The following AK8 variants were observed in gnomAD, a reference collection of about 807,000 sequenced individuals.
The protein encoded by AK8 is adenylate kinase 8, also known as ATP-AMP transphosphorylase 8.
AK8 carries 44 observed loss-of-function variants against 54.6 expected under a neutral mutation model. That is an observed-to-expected ratio of 0.81 (90% CI 0.63 to 1.04). The LOEUF is 1.04. Among genes scored for constraint, AK8 ranks in the 50% least tolerant of loss-of-function variants. The pLI is 0.00. For missense variants in AK8, 555 were observed against 613.6 expected (o/e 0.90, Z 1.01); for synonymous variants, 239 against 245.6 (o/e 0.97, Z 0.25).
Position 132,839,830 on chromosome 9 carries a change from G to GGGC in AK8, c.403-11105_403-11104insGCC, listed in dbSNP as rs1554801293. ...AAACATTTTTTTTGCCGGGGGGGGGGGCGCAGGGACGGAGCCTTGCTCTGT... is the reference window on the plus strand; with the variant it reads ...AAACATTTTTTTTGCCGGGGGGGGGGGGCGCGCAGGGACGGAGCCTTGCTCTGT... On this transcript the variant is annotated intron_variant, in intron 5 of 12. Transcript: ENST00000298545. Among the ~76,000 whole-genome samples the GGGC allele has an allele frequency of 2.2e-3, 317 of 141,530 alleles. 16 individuals carry two copies. Among genetic ancestry groups the GGGC allele is most frequent in the South Asian group, 4.5e-3 (20 of 4,476 alleles). The allele number at this position is 141,530 out of a possible 152,430, so 92.8% of individuals were successfully genotyped here.
At chr9:132,757,946 G>A (rs567541160) in intron 11 of AK8, among the ~76,000 whole-genome samples, 2 of 152,306 alleles carry the variant, frequency 1.3e-5, no homozygotes, top group African/African-American at 4.8e-5. Flanking sequence ...CACTGAACTG[G>A]GCCACTAACT....
At chr9:132,785,227 C>T (rs1440257649) in intron 11 of AK8, among the ~76,000 whole-genome samples, 2 of 151,986 alleles carry the variant, frequency 1.3e-5, no homozygotes, top group Non-Finnish European at 2.9e-5. Flanking sequence ...CCTCAGCCTC[C>T]TGAGTAGCTG....
chr9:132,785,763 C>T (rs1405387658), intron 11 of AK8, among the ~76,000 whole-genome samples: 3 of 152,196 alleles, frequency 2.0e-5, no homozygotes, highest in South Asian at 2.1e-4. Context: ...ACGGGCTCCA[C>T]CCATGCATCC....
intron 3 of AK8, among the ~76,000 whole-genome samples, chr9:132,866,059 A>G (rs1843582804): frequency 2.0e-5 from 3 of 151,746 alleles, no homozygotes; most frequent in Admixed American, 1.3e-4. Context: ...TTAGCCGCGC[A>G]TGGTGGTGCA....
chr9:132,803,339 A>G lies in AK8; in HGVS notation c.980-10564T>C, dbSNP rs1840555764. On this transcript the variant is annotated intron_variant, in intron 10 of 12. Transcript: ENST00000298545. The surrounding 1 kb of genome is among the most constrained non-coding windows in gnomAD (Gnocchi z 4.4). ...TCAGTTCCCAGTTACCGCAGGGACTAGGTCCCCAAAGCTGGTAGCAGTCAT... is the reference window on the plus strand; with the variant it reads ...TCAGTTCCCAGTTACCGCAGGGACTGGGTCCCCAAAGCTGGTAGCAGTCAT... Among the ~76,000 whole-genome samples the G allele has an allele frequency of 6.6e-6, 1 of 152,168 alleles. No homozygotes were observed. Among genetic ancestry groups the G allele is most frequent in the Admixed American group, 6.5e-5 (1 of 15,280 alleles).
intron 10 of AK8, among the ~76,000 whole-genome samples, chr9:132,804,420 C>A (rs1440096766): frequency 4.6e-5 from 7 of 152,150 alleles, no homozygotes; most frequent in Non-Finnish European, 8.8e-5. Context: ...CCAGTAAAAA[C>A]CAACCAAAGG....
intron 3 of AK8, among the ~76,000 whole-genome samples, chr9:132,865,848 G>T (rs144342353): frequency 6.6e-6 from 1 of 150,758 alleles, no homozygotes; most frequent in Non-Finnish European, 1.5e-5. Context: ...AAAAAATAAA[G>T]GTAAAAAGGG....
chr9:132,793,777 T>A (rs2131172240), intron 10 of AK8, among the ~76,000 whole-genome samples: 1 of 152,340 alleles, frequency 6.6e-6, no homozygotes, highest in South Asian at 2.1e-4. Context: ...TTCCTGCACT[T>A]TGCACTCATT....
chr9:132,838,423 C>T lies in AK8; in HGVS notation c.403-9697G>A, dbSNP rs550742469. Reference sequence around the variant, plus strand: ...AAAATAGAATTTTGCATTTCATGTTCAGTAAAGGAAACACCCCCGGCCAGT... The same window carrying T: ...AAAATAGAATTTTGCATTTCATGTTTAGTAAAGGAAACACCCCCGGCCAGT... On this transcript the variant is annotated intron_variant, in intron 5 of 12. Coordinates refer to ENST00000298545, the MANE Select transcript of AK8 (RefSeq NM_152572.3). 6.5e-4 allele frequency among the ~76,000 whole-genome samples: 99 copies of T among 152,112 alleles called. 1 individual carries two copies. Among genetic ancestry groups the T allele is most frequent in the Non-Finnish European group, 1.2e-3 (83 of 68,032 alleles).
chr9:132,828,129 G>C (rs753293837), intron 6 of AK8, 45 bp from the exon 7 acceptor site: 1 of 1,523,140 alleles, frequency 6.6e-7, no homozygotes, highest in African/African-American at 1.4e-5. Flanking sequence ...GTCGGGCAGC[G>C]GGTGCCACAC....
intron 10 of AK8, among the ~76,000 whole-genome samples, chr9:132,802,017 G>A (rs1012107488): frequency 2.0e-5 from 3 of 152,164 alleles, no homozygotes; most frequent in South Asian, 2.1e-4. Context: ...TCTGCCCTGC[G>A]CTCTGCATTC....
At chr9:132,778,861 T>A (rs1839338381) in intron 11 of AK8, among the ~76,000 whole-genome samples, 1 of 152,092 alleles carries the variant, frequency 6.6e-6, no homozygotes, top group South Asian at 2.1e-4. Context: ...TTTGCTTCAG[T>A]TTGAATTGAA....
Position 132,839,346 on chromosome 9 carries a change from T to C in AK8, c.403-10620A>G, listed in dbSNP as rs1564431518. ...CTTCTTTCCTGTCTTTAATGTAACA[T>C]GATCACAGGCTCAATGAGTCATGGG... On this transcript the variant is annotated intron_variant, in intron 5 of 12. Coordinates refer to ENST00000298545, the MANE Select transcript of AK8 (RefSeq NM_152572.3). Among the ~76,000 whole-genome samples the C allele has an allele frequency of 2.0e-5, 3 of 152,202 alleles. No individual in the cohort carries two copies. In the South Asian group the frequency reaches 6.2e-4, roughly 32 times the overall value.
intron 9 of AK8, among the ~76,000 whole-genome samples, chr9:132,820,056 G>T (rs1019326318): frequency 9.3e-5 from 14 of 150,416 alleles, no homozygotes; most frequent in African/African-American, 3.2e-4. Flanking sequence ...TTGGGAGGCT[G>T]AGGCGGGAGG....
chr9:132,781,670 C>T lies in AK8; in HGVS notation c.1121+10964G>A, dbSNP rs1839474148. ...ATTATAGATTTCTGTATCGTATTCCCAGATTGATTTCTAGGCTATAATTCT... is the reference window on the plus strand; with the variant it reads ...ATTATAGATTTCTGTATCGTATTCCTAGATTGATTTCTAGGCTATAATTCT... On this transcript the variant is annotated intron_variant, in intron 11 of 12. Coordinates refer to ENST00000298545, the MANE Select transcript of AK8 (RefSeq NM_152572.3). This position sits in a 1 kb window ranked among gnomAD's most constrained non-coding sequence, Gnocchi z 4.6. Among the ~76,000 whole-genome samples the T allele has an allele frequency of 6.6e-6, 1 of 152,062 alleles. No individual in the cohort carries two copies. The highest frequency in any genetic ancestry group is 1.5e-5 in the Non-Finnish European group (1 of 68,012).
intron 5 of AK8, 23 bp from the exon 6 acceptor site, chr9:132,828,749 T>C: frequency 6.4e-7 from 1 of 1,569,446 alleles, no homozygotes; most frequent in Non-Finnish European, 8.7e-7. Flanking sequence ...TTCAGAGAGG[T>C]GCTCATCTGT....
intron 11 of AK8, among the ~76,000 whole-genome samples, chr9:132,752,528 C>T (rs1171915874): frequency 3.3e-5 from 5 of 152,176 alleles, no homozygotes; most frequent in African/African-American, 1.2e-4. Flanking sequence ...GGATTACAGG[C>T]GTGAGCCACT....
intron 11 of AK8, chr9:132,768,949 C>A (rs1484949843): frequency 6.6e-6 from 1 of 152,308 alleles, no homozygotes; most frequent in Non-Finnish European, 1.5e-5. Flanking sequence ...CCCAGCCACA[C>A]CACTGCAAGG....
At chr9:132,825,247 CAG>C (rs1318870775) in intron 8 of AK8, among the ~76,000 whole-genome samples, 5 of 152,266 alleles carry the variant, frequency 3.3e-5, no homozygotes, top group African/African-American at 9.6e-5. Context: ...GGATGCACTG[CAG>C]AGAGATTAGA....
Sources: allele counts gnomAD v4.1 joint callset (sites outside exome capture counted in the v4.1 genomes callset), GRCh38; gene constraint gnomAD v4.1.1; non-coding constraint Gnocchi (gnomAD v3.1); transcripts MANE v1.5; gene names NCBI Gene and HGNC (gene_info 2026-07-23, HGNC 2026-07-21).